RUSC1: variants seen among roughly 807,000 people sequenced by gnomAD.
RUSC1 encodes the protein RUN and SH3 domain containing 1, also known as AP-4 complex accessory subunit RUSC1.
Under a neutral mutation model 72.1 loss-of-function variants are expected in RUSC1, and 40 were observed. The ratio of observed to expected loss-of-function variants is 0.55; its 90% CI spans 0.43 to 0.72. The LOEUF (loss-of-function observed/expected upper bound fraction) is 0.72. Ranked by LOEUF, RUSC1 falls within the 30% of genes least tolerant of loss-of-function variation. RUSC1 has a pLI of 0.00. For synonymous variants in RUSC1, 512 were observed against 494.2 expected (o/e 1.04, Z -0.48); for missense variants, 1,092 against 1,172.3 (o/e 0.93, Z 1.00).
In RUSC1 at chr1:155,325,555, C is replaced by T. The variant is rs902329314; in HGVS notation, c.1709-12C>T. On this transcript the variant is annotated splice_polypyrimidine_tract_variant and intron_variant, in intron 5 of 9. Transcript: ENST00000368352. The surrounding 1 kb of genome is among the most constrained non-coding windows in gnomAD (Gnocchi z 6.5). ...AGGGCCGGGCTTGGCTGACTGCACC[C>T]CACGTTCTCAGGCTCCAGCACCCGC... 1.1e-5 allele frequency: 18 copies of T among 1,608,384 alleles called. No individual in the cohort carries two copies. The highest frequency in any genetic ancestry group is 1.4e-5 in the Non-Finnish European group (17 of 1,179,794).
At chr1:155,324,416 C>T in intron 2 of RUSC1, 1 of 1,613,148 alleles carries the variant, frequency 6.2e-7, no homozygotes, top group South Asian at 1.1e-5. Context: ...TTCCATTGGT[C>T]CATGCCGCCC....
In RUSC1 at chr1:155,326,855, G is replaced by C. The variant is rs1394418831; in HGVS notation, c.2137G>C (p.Ala713Pro). ...AQSLRGTSKE[A>P]ASDPSDSPNL... is the part of the protein sequence containing the mutation. ...GAGCCTTCGGGGGACTTCCAAGGAAGCTGCTTCAGACCCCTCTGACTCTCC... is the reference window on the plus strand; with the variant it reads ...GAGCCTTCGGGGGACTTCCAAGGAACCTGCTTCAGACCCCTCTGACTCTCC... Residue 713 changes from alanine (A) to proline (P), a missense_variant, in exon 8 of 10, where the codon GCT becomes CCT. Ala to Pro is a conservative substitution (Grantham distance 27). Transcript: ENST00000368352. This position sits in a 1 kb window ranked among gnomAD's most constrained non-coding sequence, Gnocchi z 4.7. 3 of 1,613,602 alleles carry C rather than the reference G, an allele frequency of 1.9e-6. No individual in the cohort carries two copies. In the East Asian group the frequency reaches 6.7e-5, roughly 36 times the overall value.
At chr1:155,324,234 A>T (rs767361011) in intron 2 of RUSC1, 84 of 1,447,592 alleles carry the variant, frequency 5.8e-5, no homozygotes, top group Non-Finnish European at 6.8e-5. Context: ...GCTCATTGGC[A>T]CTAGAGGTTC....
chr1:155,330,771 A>G lies in RUSC1; in HGVS notation c.*200A>G. The G allele has an allele frequency of 3.9e-6, 2 of 513,688 alleles. No individual in the cohort carries two copies. Among genetic ancestry groups the G allele is most frequent in the Non-Finnish European group, 6.8e-6 (2 of 295,714 alleles). 31.8% of individuals were successfully genotyped at this position (513,688 alleles called of 1,614,324 possible). A position where few individuals can be genotyped will look rare whatever the true frequency, so the allele number is the denominator to read the frequency against. ...TGAAATCTGCTCTTCTTCCAAATAT[A>G]TAAAAAAGGAATTGCCCTCCAGGTA... On this transcript the variant is annotated 3_prime_UTR_variant, in exon 10 of 10. Transcript: ENST00000368352.
Position 155,321,969 on chromosome 1 carries a change from A to G in RUSC1, c.196A>G (p.Ser66Gly). 1 of 1,598,544 alleles carries G rather than the reference A, an allele frequency of 6.3e-7. No homozygotes were observed. Among genetic ancestry groups the G allele is most frequent in the Non-Finnish European group, 8.5e-7 (1 of 1,171,774 alleles). ...CACCCTGGTGGACGCCAATTCCAAC[A>G]GCCCAGCTGTGCCCTGCCGGTGCTG... ...SGTLVDANSN[S>G]PAVPCRCCQE... is the part of the protein sequence containing the mutation. The change falls in exon 2 of 10, where the codon AGC (serine) becomes GGC (glycine). Residue 66 changes from serine (S) to glycine (G), a missense_variant. By Grantham distance (56) the Ser-to-Gly change is moderately conservative. Coordinates refer to ENST00000368352, the MANE Select transcript of RUSC1 (RefSeq NM_001105203.2).
At chr1:155,327,952 T>C (rs1277135105) in intron 8 of RUSC1, among the ~76,000 whole-genome samples, 198 bp from the exon 9 acceptor site, 1 of 152,244 alleles carries the variant, frequency 6.6e-6, no homozygotes, top group African/African-American at 2.4e-5. Context: ...TGTGGTGTTG[T>C]GGACTTTTGT....
rs1650642870 is a variant in RUSC1, at chr1:155,322,225, G to A, written c.452G>A (p.Gly151Asp). The A allele has an allele frequency of 1.2e-6, 2 of 1,612,430 alleles. No homozygotes were observed. The highest frequency in any genetic ancestry group is 1.7e-4 in the Middle Eastern group (1 of 6,046). ...LEQGSPLASAGPGTCSPDSFC... is the reference protein window; with the variant it reads ...LEQGSPLASADPGTCSPDSFC... Reference sequence around the variant, plus strand: ...CAGGGCTCCCCACTGGCTTCAGCAGGCCCTGGCACCTGCTCACCGGACAGC... The same window carrying A: ...CAGGGCTCCCCACTGGCTTCAGCAGACCCTGGCACCTGCTCACCGGACAGC... The change falls in exon 2 of 10, where the codon GGC (glycine) becomes GAC (aspartate). Residue 151 changes from glycine to aspartate, a missense_variant. Transcript: ENST00000368352.
chr1:155,326,506 CT>C lies in RUSC1; in HGVS notation c.1862-73del. 3.5e-6 allele frequency: 5 copies of C among 1,442,288 alleles called. No homozygotes were observed. The East Asian group carries it at 1.1e-4, about 33-fold the overall frequency. 89.3% of individuals were successfully genotyped at this position (1,442,288 alleles called of 1,614,324 possible). A position where few individuals can be genotyped will look rare whatever the true frequency, so the allele number is the denominator to read the frequency against. ...TGAGGCCTGGGAAGATGTGTGCTGA[CT>C]GGTGGGCTGCTCTGGGGGGTCTTCT... On this transcript the variant is annotated intron_variant, in intron 7 of 9. Transcript: ENST00000368352. This position sits in a 1 kb window ranked among gnomAD's most constrained non-coding sequence, Gnocchi z 4.7.
At position 155,324,283 on chromosome 1, in the gene RUSC1, T is replaced by C. The variant is rs895156512; in HGVS notation, c.1358-562T>C. The stretch of plus-strand genomic sequence containing the variant: ...TCCGCGAGTCCAGTCCCACGCGGGA[T>C]GAAGAGGGCACCCTCCGCCAAGAGG... On this transcript the variant is annotated intron_variant, in intron 2 of 9. Coordinates refer to ENST00000368352, the MANE Select transcript of RUSC1 (RefSeq NM_001105203.2). 1.2e-5 allele frequency: 18 copies of C among 1,537,670 alleles called. No individual in the cohort carries two copies. In the African/African-American group the frequency reaches 2.5e-4, roughly 21 times the overall value.
At position 155,322,826 on chromosome 1, in the gene RUSC1, G is replaced by C; in HGVS notation, c.1053G>C (p.Glu351Asp). ...DWLIVFSPDT[E>D]LPPSGSPGGS... ...TCATAGTCTTCTCGCCCGACACCGA[G>C]CTCCCCCCCTCGGGGTCGCCGGGCG... The change falls in exon 2 of 10, where the codon GAG becomes GAC. Residue 351 changes from glutamate (E) to aspartate (D), a missense_variant. Transcript: ENST00000368352. 1 of 1,613,434 alleles carries C rather than the reference G, an allele frequency of 6.2e-7. No individual in the cohort carries two copies. The highest frequency in any genetic ancestry group is 1.1e-5 in the South Asian group (1 of 91,076).
At position 155,330,458 on chromosome 1, in the gene RUSC1, C is replaced by T. The variant is rs1651896766; in HGVS notation, c.2596C>T (p.Arg866Trp). Residue 866 changes from arginine to tryptophan, a missense_variant, in exon 10 of 10, where the codon CGG becomes TGG. Arg to Trp is a moderately radical substitution (Grantham distance 101). Coordinates refer to ENST00000368352, the MANE Select transcript of RUSC1 (RefSeq NM_001105203.2). ...TAARPDQLSF[R>W]RGEVLRVITT... ...TGCAAGACCTGACCAGTTGAGCTTCCGGCGTGGGGAAGTGCTGCGTGTCAT... is the reference window on the plus strand; with the variant it reads ...TGCAAGACCTGACCAGTTGAGCTTCTGGCGTGGGGAAGTGCTGCGTGTCAT... 6 of 1,613,642 alleles carry T rather than the reference C, an allele frequency of 3.7e-6. No individual in the cohort carries two copies. The highest frequency in any genetic ancestry group is 1.8e-4 in the Middle Eastern group (1 of 5,672).
At chr1:155,323,983 C>T in intron 2 of RUSC1, 1 of 1,015,818 alleles carries the variant, frequency 9.8e-7, no homozygotes, top group Non-Finnish European at 1.2e-6. Context: ...TGGCCCCGTT[C>T]CTAGTGCTGG....
chr1:155,326,121 C>A lies in RUSC1; in HGVS notation c.1861+211C>A. The A allele has an allele frequency of 3.2e-6, 2 of 621,404 alleles. No homozygotes were observed. Among genetic ancestry groups the A allele is most frequent in the South Asian group, 2.0e-5 (1 of 51,238 alleles). 38.5% of individuals were successfully genotyped at this position (621,404 alleles called of 1,614,324 possible). A position where few individuals can be genotyped will look rare whatever the true frequency, so the allele number is the denominator to read the frequency against. Reference sequence around the variant, plus strand: ...GCTGTCTGGCCTCTGCCCTCTTCCCCTGCCTTGGAGGGTCTTGCCAACAGT... The same window carrying A: ...GCTGTCTGGCCTCTGCCCTCTTCCCATGCCTTGGAGGGTCTTGCCAACAGT... On this transcript the variant is annotated intron_variant, in intron 7 of 9. Coordinates refer to ENST00000368352, the MANE Select transcript of RUSC1 (RefSeq NM_001105203.2). This position sits in a 1 kb window ranked among gnomAD's most constrained non-coding sequence, Gnocchi z 4.7.
At position 155,330,422 on chromosome 1, in the gene RUSC1, G is replaced by C; in HGVS notation, c.2560G>C (p.Asp854His). 6.2e-7 allele frequency: 1 copy of C among 1,612,926 alleles called. No individual in the cohort carries two copies. The highest frequency in any genetic ancestry group is 2.2e-5 in the East Asian group (1 of 44,876). Residue 854 changes from aspartate to histidine, a missense_variant, in exon 10 of 10, where the codon GAT (aspartate) becomes CAT (histidine). Coordinates refer to ENST00000368352, the MANE Select transcript of RUSC1 (RefSeq NM_001105203.2). ...QTHRAVRALC[D>H]HTAARPDQLS... is the part of the protein sequence containing the mutation. ...CCTCAGGGCAGTGCGGGCTCTCTGTGATCACACTGCTGCAAGACCTGACCA... is the reference window on the plus strand; with the variant it reads ...CCTCAGGGCAGTGCGGGCTCTCTGTCATCACACTGCTGCAAGACCTGACCA...
chr1:155,324,312 C>T (rs995206825), intron 2 of RUSC1: 2 of 1,573,834 alleles, frequency 1.3e-6, no homozygotes, highest in African/African-American at 2.7e-5. Flanking sequence ...CAAGAGGCTG[C>T]TGCGGGACCC....
rs1360384652 is a variant in RUSC1 at position 155,322,826 on chromosome 1, G to GC, written c.1054dup (p.Leu352ProfsTer104). ...TCATAGTCTTCTCGCCCGACACCGA[G>GC]CTCCCCCCCTCGGGGTCGCCGGGCG... On this transcript the variant is annotated frameshift_variant, in exon 2 of 10. Coordinates refer to ENST00000368352, the MANE Select transcript of RUSC1 (RefSeq NM_001105203.2). LOFTEE classifies it high-confidence loss of function. 1 of 1,613,318 alleles carries GC rather than the reference G, an allele frequency of 6.2e-7. No homozygotes were observed. The highest frequency in any genetic ancestry group is 8.5e-7 in the Non-Finnish European group (1 of 1,179,670).
rs1651409281 is a variant in RUSC1, at chr1:155,326,365, C to T, written c.1862-215C>T. 9 of 591,466 alleles carry T rather than the reference C, an allele frequency of 1.5e-5. No individual in the cohort carries two copies. The highest frequency in any genetic ancestry group is 2.7e-5 in the Non-Finnish European group (9 of 334,208). 36.6% of individuals were successfully genotyped at this position (591,466 alleles called of 1,614,324 possible). A position where few individuals can be genotyped will look rare whatever the true frequency, so the allele number is the denominator to read the frequency against. On this transcript the variant is annotated intron_variant, in intron 7 of 9. Transcript: ENST00000368352. The surrounding 1 kb of genome is among the most constrained non-coding windows in gnomAD (Gnocchi z 4.7). ...TGTAGCCTTTGCACTGTCTCTGTTACTTGTCACCACTTGCTGTGTGTGTCT... is the reference window on the plus strand; with the variant it reads ...TGTAGCCTTTGCACTGTCTCTGTTATTTGTCACCACTTGCTGTGTGTGTCT...
rs543163081 is a variant in RUSC1 at position 155,325,019 on chromosome 1, C to G, written c.1456+76C>G. ...CCCCCGGCCCTGCTCTCAGGCTGTC[C>G]GAAGGCAGTCTCTCCACGCCCCTCG... On this transcript the variant is annotated intron_variant, in intron 3 of 9. Coordinates refer to ENST00000368352, the MANE Select transcript of RUSC1 (RefSeq NM_001105203.2). The surrounding 1 kb of genome is among the most constrained non-coding windows in gnomAD (Gnocchi z 6.5). 4.0e-5 allele frequency: 64 copies of G among 1,613,736 alleles called. No individual in the cohort carries two copies. In the South Asian group the frequency reaches 5.7e-4, roughly 14 times the overall value.
Position 155,328,216 on chromosome 1 carries a change from C to T in RUSC1, c.2481C>T (p.Pro827=), listed in dbSNP as rs1651624776. Residue 827 remains proline (P), a synonymous_variant, in exon 9 of 10, where the codon CCC becomes CCT. Transcript: ENST00000368352. ...VLALVKRGAP[P]EMPSPQELEA... The stretch of plus-strand genomic sequence containing the variant: ...CTCTTGTGAAGCGGGGGGCACCTCC[C>T]GAGATGCCTTCTCCTCAGGAGCTTG... The T allele has an allele frequency of 7.4e-6, 12 of 1,613,342 alleles. No homozygotes were observed. Among genetic ancestry groups the T allele is most frequent in the South Asian group, 4.4e-5 (4 of 90,796 alleles).
Sources: gnomAD v4.1 joint callset for allele counts (sites outside exome capture counted in the v4.1 genomes callset) on GRCh38, gnomAD v4.1.1 for gene constraint, Gnocchi (gnomAD v3.1) non-coding constraint, MANE v1.5 for transcripts, NCBI Gene and HGNC (gene_info 2026-07-23, HGNC 2026-07-21) for gene names.